The following MALRD1 variants were observed in gnomAD, a reference collection of about 807,000 sequenced individuals.
MALRD1 encodes the protein MAM and LDL-receptor class A domain-containing protein 1.
Under a neutral mutation model 242.1 loss-of-function variants are expected in MALRD1, and 247 were observed. The observed-to-expected ratio is 1.02, with a 90% CI of 0.92 to 1.13. The LOEUF is 1.13. MALRD1 is among the 50% of genes most tolerant of loss of function. The pLI, the probability that MALRD1 is intolerant of heterozygous loss-of-function variation, is 0.00. For synonymous variants in MALRD1, 995 were observed against 866.6 expected (o/e 1.15, Z -2.60); for missense variants, 2,989 against 2,533.1 (o/e 1.18, Z -3.86).
At chr10:19,417,246 GT>G (rs1833545347) in intron 28 of MALRD1, among the ~76,000 whole-genome samples, 1 of 151,944 alleles carries the variant, frequency 6.6e-6, no homozygotes, top group South Asian at 2.1e-4. Context: ...AATGTCCACT[GT>G]TTTTTTCTTT....
chr10:19,047,636 T>G (rs1158472982), upstream of MALRD1, among the ~76,000 whole-genome samples: 1 of 152,008 alleles, frequency 6.6e-6, no homozygotes, highest in Admixed American at 6.6e-5. Flanking sequence ...GTAAGAAGAA[T>G]AAATATATGA....
chr10:19,296,717 A>C (rs1841718232), intron 21 of MALRD1, among the ~76,000 whole-genome samples: 1 of 151,888 alleles, frequency 6.6e-6, no homozygotes, highest in South Asian at 2.1e-4. Flanking sequence ...GACATATATG[A>C]GTATTTGTTA....
At chr10:19,146,773 T>A (rs1833740947) in intron 11 of MALRD1, among the ~76,000 whole-genome samples, 2 of 152,192 alleles carry the variant, frequency 1.3e-5, no homozygotes, top group Non-Finnish European at 2.9e-5. Flanking sequence ...TGAATGCAAT[T>A]TAATCAGTCT....
intron 29 of MALRD1, among the ~76,000 whole-genome samples, chr10:19,462,854 C>A (rs1836015457): frequency 6.6e-6 from 1 of 152,102 alleles, no homozygotes; most frequent in Non-Finnish European, 1.5e-5. Context: ...CAAGAGTTTG[C>A]TTTAGCTCTG....
intron 28 of MALRD1, among the ~76,000 whole-genome samples, chr10:19,411,625 A>G (rs1236694276): frequency 1.3e-5 from 2 of 152,286 alleles, no homozygotes; most frequent in East Asian, 3.9e-4. Context: ...ACAACTCCAG[A>G]CAGTCCAGTT....
At chr10:19,253,991 TTCTC>T (rs1839402932) in intron 18 of MALRD1, among the ~76,000 whole-genome samples, 2 of 151,954 alleles carry the variant, frequency 1.3e-5, no homozygotes, top group Admixed American at 1.3e-4. Flanking sequence ...TCGTGTCTCA[TTCTC>T]TCTCCTGTCA....
chr10:19,177,871 G>A (rs538782843), intron 14 of MALRD1, among the ~76,000 whole-genome samples: 53 of 152,132 alleles, frequency 3.5e-4, no homozygotes, highest in Non-Finnish European at 6.8e-4. Context: ...AACAGGAAAG[G>A]ACCCCTCTAG....
intron 12 of MALRD1, among the ~76,000 whole-genome samples, chr10:19,157,042 A>G (rs1834179409): frequency 1.3e-5 from 2 of 152,078 alleles, no homozygotes; most frequent in South Asian, 4.1e-4. Context: ...CAGAAGAGAT[A>G]TTTGTTTTTC....
chr10:19,390,524 G>A (rs577008630), intron 28 of MALRD1, among the ~76,000 whole-genome samples: 4 of 152,284 alleles, frequency 2.6e-5, no homozygotes, highest in African/African-American at 7.2e-5. Flanking sequence ...ATGAGACTTG[G>A]TCAAACACCT....
intron 25 of MALRD1, among the ~76,000 whole-genome samples, chr10:19,348,422 G>A (rs192804424): frequency 6.6e-6 from 1 of 152,006 alleles, no homozygotes; most frequent in Admixed American, 6.6e-5. Flanking sequence ...ATATCTCCAA[G>A]AATGAATATT....
rs1834461356 is a variant in MALRD1 at position 19,162,221 on chromosome 10, G to T, written c.1657-3416G>T. 2.6e-5 allele frequency among the ~76,000 whole-genome samples: 4 copies of T among 152,082 alleles called. No individual in the cohort carries two copies. In the South Asian group the frequency reaches 8.3e-4, roughly 32 times the overall value. ...CACTCTTCCTCCAAAAGACTCAAAG[G>T]TCCCTAAGGACCTGTAATGCCTTAT... On this transcript the variant is annotated intron_variant, in intron 12 of 39. Transcript: ENST00000454679.
intron 28 of MALRD1, among the ~76,000 whole-genome samples, chr10:19,434,881 T>C (rs74319377): frequency 1.3e-5 from 2 of 151,792 alleles, no homozygotes; most frequent in Admixed American, 6.6e-5. Context: ...ATGGTCTGCC[T>C]TAAACATAGC....
chr10:19,690,089 T>C (rs747372151), intron 36 of MALRD1, among the ~76,000 whole-genome samples: 4 of 152,092 alleles, frequency 2.6e-5, no homozygotes, highest in Non-Finnish European at 5.9e-5. Context: ...TGGGGGGTAG[T>C]GTATTCATTT....
intron 31 of MALRD1, among the ~76,000 whole-genome samples, chr10:19,529,444 G>T (rs371206581): frequency 9.7e-5 from 14 of 143,660 alleles, no homozygotes; most frequent in East Asian, 8.5e-4. Context: ...CCTAGAAAAA[G>T]AATGTAAAAA....
intron 28 of MALRD1, among the ~76,000 whole-genome samples, chr10:19,444,366 T>G (rs1045277108): frequency 6.6e-6 from 1 of 152,200 alleles, no homozygotes; most frequent in African/African-American, 2.4e-5. Context: ...GTTAGCTGGT[T>G]ATTTTGCTCG....
At chr10:19,146,548 G>A (rs1327358022) in intron 11 of MALRD1, among the ~76,000 whole-genome samples, 1 of 152,132 alleles carries the variant, frequency 6.6e-6, no homozygotes, top group Non-Finnish European at 1.5e-5. Context: ...CAACATGTTT[G>A]TTGTTGCACT....
intron 17 of MALRD1, among the ~76,000 whole-genome samples, chr10:19,206,688 C>T (rs983117889): frequency 1.3e-5 from 2 of 152,152 alleles, no homozygotes; most frequent in African/African-American, 4.8e-5. Flanking sequence ...CATTACAGAT[C>T]CACAAATCCA....
chr10:19,121,458 A>G (rs993804549), intron 5 of MALRD1, among the ~76,000 whole-genome samples: 7 of 152,216 alleles, frequency 4.6e-5, no homozygotes, highest in African/African-American at 1.7e-4. Context: ...AGGGGAAAGA[A>G]CTGGTGTTTG....
At chr10:19,162,035 ACAACAACAG>A (rs1033724939) in intron 12 of MALRD1, among the ~76,000 whole-genome samples, 68 of 146,442 alleles carry the variant, frequency 4.6e-4, no homozygotes, top group Middle Eastern at 3.5e-3. Flanking sequence ...CTCAAGAACA[ACAACAACAG>A]CAACAACAAC....
Sources: gnomAD v4.1 joint callset for allele counts (sites outside exome capture counted in the v4.1 genomes callset) on GRCh38, gnomAD v4.1.1 for gene constraint, MANE v1.5 for transcripts, NCBI Gene and HGNC (gene_info 2026-07-23, HGNC 2026-07-21) for gene names.